CNTNAP2: variants seen among roughly 807,000 people sequenced by gnomAD.
CNTNAP2 encodes contactin associated protein 2.
Under a neutral mutation model 155.2 loss-of-function variants are expected in CNTNAP2, and 98 were observed. The observed-to-expected ratio is 0.63, with a 90% CI of 0.54 to 0.75. The LOEUF (loss-of-function observed/expected upper bound fraction) is 0.75. Among genes scored for constraint, CNTNAP2 ranks in the 30% least tolerant of loss-of-function variants. The pLI is 0.00. For synonymous variants in CNTNAP2, 651 were observed against 631.2 expected (o/e 1.03, Z -0.47); for missense variants, 1,727 against 1,688.1 (o/e 1.02, Z -0.40).
intron 15 of CNTNAP2, among the ~76,000 whole-genome samples, chr7:148,085,680 T>C (rs1205850221): frequency 6.6e-6 from 1 of 151,962 alleles, no homozygotes; most frequent in African/African-American, 2.4e-5. Flanking sequence ...TTTCTTCCTT[T>C]CTTTTTTCTC....
intron 21 of CNTNAP2, among the ~76,000 whole-genome samples, chr7:148,372,649 C>A (rs534223048): frequency 1.1e-3 from 165 of 152,124 alleles, no homozygotes; most frequent in African/African-American, 3.7e-3. Context: ...CAGAGGTTAC[C>A]GTGAGCCGAG....
chr7:147,608,312 T>C (rs1050736464), intron 12 of CNTNAP2, among the ~76,000 whole-genome samples: 1 of 152,114 alleles, frequency 6.6e-6, no homozygotes, highest in African/African-American at 2.4e-5. Context: ...CTTATAAATA[T>C]TGTAAGTAAA....
chr7:147,701,698 T>C (rs1431970251), intron 13 of CNTNAP2, among the ~76,000 whole-genome samples: 1 of 152,182 alleles, frequency 6.6e-6, no homozygotes, highest in Non-Finnish European at 1.5e-5. Flanking sequence ...GCATTTAGAA[T>C]ATTCGTTAAC....
intron 15 of CNTNAP2, among the ~76,000 whole-genome samples, chr7:147,988,619 C>T (rs1181095218): frequency 6.6e-6 from 1 of 152,116 alleles, no homozygotes; most frequent in Non-Finnish European, 1.5e-5. Flanking sequence ...GAGTTTAGTC[C>T]TCAGTGTGGC....
Position 146,604,908 on chromosome 7 carries a change from A to C in CNTNAP2, c.98-169363A>C, listed in dbSNP as rs1300644273. On this transcript the variant is annotated intron_variant, in intron 1 of 23. Coordinates refer to ENST00000361727, the MANE Select transcript of CNTNAP2 (RefSeq NM_014141.6). ...ATGGACACAGGAAGGGGACTATCAC[A>C]CTCTGGGGACTGTTGTGGGGTGGGG... 2.5e-5 allele frequency among the ~76,000 whole-genome samples: 3 copies of C among 121,058 alleles called. No individual in the cohort carries two copies. In the Admixed American group the frequency reaches 2.9e-4, roughly 12 times the overall value. The allele number at this position is 121,058 out of a possible 152,430, so 79.4% of individuals were successfully genotyped here.
At chr7:146,849,667 T>G (rs1404162891) in intron 3 of CNTNAP2, among the ~76,000 whole-genome samples, 1 of 152,210 alleles carries the variant, frequency 6.6e-6, no homozygotes, top group Non-Finnish European at 1.5e-5. Flanking sequence ...AGAAATAAAT[T>G]AATCAAAAAT....
At chr7:147,616,721 T>A (rs1430325215) in intron 12 of CNTNAP2, among the ~76,000 whole-genome samples, 1 of 152,142 alleles carries the variant, frequency 6.6e-6, no homozygotes, top group Non-Finnish European at 1.5e-5. Context: ...GTAAGTAAAA[T>A]AAACGTGTTA....
chr7:147,791,958 A>G (rs186523856), intron 13 of CNTNAP2, among the ~76,000 whole-genome samples: 11 of 152,310 alleles, frequency 7.2e-5, no homozygotes, highest in African/African-American at 2.2e-4. Flanking sequence ...CTTGGCCCAG[A>G]AACCACACAA....
intron 15 of CNTNAP2, among the ~76,000 whole-genome samples, chr7:148,079,371 T>C (rs1309927215): frequency 6.6e-6 from 1 of 152,232 alleles, no homozygotes; most frequent in Non-Finnish European, 1.5e-5. Context: ...TGTCCTATTG[T>C]AATTTCAATT....
At chr7:147,750,780 T>A (rs1247364509) in intron 13 of CNTNAP2, among the ~76,000 whole-genome samples, 4 of 152,194 alleles carry the variant, frequency 2.6e-5, no homozygotes, top group Admixed American at 1.3e-4. Flanking sequence ...GGCTCATGCC[T>A]GTAATCCTGG....
At chr7:146,773,939 C>A (rs1260912257) in intron 1 of CNTNAP2, among the ~76,000 whole-genome samples, 3 of 152,062 alleles carry the variant, frequency 2.0e-5, no homozygotes, top group Non-Finnish European at 4.4e-5. Context: ...TGTATAAATA[C>A]CTGAAGATTT....
At chr7:146,665,658 G>A (rs915738045) in intron 1 of CNTNAP2, among the ~76,000 whole-genome samples, 1 of 151,426 alleles carries the variant, frequency 6.6e-6, no homozygotes, top group Non-Finnish European at 1.5e-5. Context: ...GCGCATGCCT[G>A]TAGTCCCAGC....
chr7:148,358,310 CCT>C (rs1284729830), intron 21 of CNTNAP2, among the ~76,000 whole-genome samples: 2 of 152,098 alleles, frequency 1.3e-5, no homozygotes, highest in Non-Finnish European at 2.9e-5. Context: ...GAAACATCCC[CCT>C]GAGGGCCAGG....
chr7:147,577,283 C>G (rs1188263030), intron 12 of CNTNAP2, among the ~76,000 whole-genome samples: 1 of 152,050 alleles, frequency 6.6e-6, no homozygotes, highest in Non-Finnish European at 1.5e-5. Context: ...TTTTGCTTTG[C>G]TCATTGCTTC....
At chr7:146,370,865 T>G (rs1273781838) in intron 1 of CNTNAP2, among the ~76,000 whole-genome samples, 1 of 152,170 alleles carries the variant, frequency 6.6e-6, no homozygotes, top group African/African-American at 2.4e-5. Context: ...CATTTTTATA[T>G]GTACCTTAAT....
At chr7:146,693,886 T>A (rs538212919) in intron 1 of CNTNAP2, among the ~76,000 whole-genome samples, 1 of 151,920 alleles carries the variant, frequency 6.6e-6, no homozygotes. Flanking sequence ...TCCCTCCCCA[T>A]GACCCCATCC....
chr7:148,302,514 GAC>G (rs1316710200), intron 21 of CNTNAP2, among the ~76,000 whole-genome samples: 1 of 152,044 alleles, frequency 6.6e-6, no homozygotes, highest in Non-Finnish European at 1.5e-5. Flanking sequence ...GATGTGGTTT[GAC>G]TCTGTGTCCC....
intron 17 of CNTNAP2, among the ~76,000 whole-genome samples, chr7:148,159,956 C>G (rs1369854010): frequency 6.6e-6 from 1 of 152,092 alleles, no homozygotes; most frequent in Non-Finnish European, 1.5e-5. Context: ...AACTACCACA[C>G]TGCTGGGCGC....
At chr7:147,365,662 T>G (rs2116904445) in intron 9 of CNTNAP2, among the ~76,000 whole-genome samples, 1 of 152,286 alleles carries the variant, frequency 6.6e-6, no homozygotes, top group East Asian at 1.9e-4. Flanking sequence ...TTCAAGAACT[T>G]TAAAACACTT....
Sources: allele counts gnomAD v4.1 joint callset (sites outside exome capture counted in the v4.1 genomes callset), GRCh38; gene constraint gnomAD v4.1.1; transcripts MANE v1.5; gene names NCBI Gene and HGNC (gene_info 2026-07-23, HGNC 2026-07-21).